GAA: variants seen among roughly 807,000 people sequenced by gnomAD.
The protein encoded by GAA is lysosomal alpha-glucosidase.
A neutral mutation model predicts 103.9 loss-of-function variants in GAA; 88 were observed. The observed-to-expected ratio is 0.85, with a 90% CI of 0.71 to 1.01. The LOEUF (loss-of-function observed/expected upper bound fraction) is 1.01. Among genes scored for constraint, GAA ranks in the 50% least tolerant of loss-of-function variants. The pLI, the probability that GAA is intolerant of heterozygous loss-of-function variation, is 0.00. For missense variants in GAA, 1,350 were observed against 1,305.3 expected, an observed-to-expected ratio of 1.03 and a Z score of -0.53; for synonymous variants, 572 against 563.1, an observed-to-expected ratio of 1.02 and a Z score of -0.22.
chr17:80,106,367 G>T (rs922226738), intron 3 of GAA, among the ~76,000 whole-genome samples: 1 of 27,620 alleles, frequency 3.6e-5, no homozygotes, highest in Non-Finnish European at 1.2e-4. Flanking sequence ...CAGAGAGCAC[G>T]CTAGAAGCCA....
At chr17:80,112,158 GGGGCCTCTGCA>G in intron 12 of GAA, 58 bp downstream of exon 12, 1 of 1,535,818 alleles carries the variant, frequency 6.5e-7, no homozygotes, top group Non-Finnish European at 9.0e-7. Context: ...CTACAAGGTT[GGGGCCTCTGCA>G]GGGCCTCAGG....
intron 2 of GAA, 71 bp downstream of exon 2, chr17:80,105,203 C>A: frequency 7.0e-7 from 1 of 1,423,900 alleles, no homozygotes; most frequent in South Asian, 1.3e-5. Context: ...CCACGCACCT[C>A]ACAAGGGTGG....
At chr17:80,112,478 A>G (rs2143886977) in intron 12 of GAA, 100 bp from the exon 13 acceptor site, 2 of 1,473,864 alleles carry the variant, frequency 1.4e-6, no homozygotes, top group African/African-American at 1.4e-5. Flanking sequence ...CCTCTGCCTC[A>G]TCCCAGAAAG....
At chr17:80,115,746 G>T (rs909391278) in intron 15 of GAA, among the ~76,000 whole-genome samples, 1 of 152,142 alleles carries the variant, frequency 6.6e-6, no homozygotes, top group African/African-American at 2.4e-5. Flanking sequence ...TGATTGTTTT[G>T]TGACTTTCTT....
chr17:80,104,836 G>A lies in GAA; in HGVS notation c.250G>A (p.Val84Ile), dbSNP rs139595011. ...CAGAGCAGTGCCCACACAGTGCGACGTCCCCCCCAACAGCCGCTTCGATTG... is the reference window on the plus strand; with the variant it reads ...CAGAGCAGTGCCCACACAGTGCGACATCCCCCCCAACAGCCGCTTCGATTG... ...RPRAVPTQCD[V>I]PPNSRFDCAP... The change falls in exon 2 of 20, where the codon GTC becomes ATC. Residue 84 changes from valine (V) to isoleucine (I), a missense_variant. Transcript: ENST00000302262. The surrounding 1 kb of genome is among the most constrained non-coding windows in gnomAD (Gnocchi z 4.0). 53 of 1,612,484 alleles carry A rather than the reference G, an allele frequency of 3.3e-5. No homozygotes were observed. In the African/African-American group the frequency reaches 6.0e-4, roughly 18 times the overall value.
At chr17:80,112,223 G>A (rs959548041) in intron 12 of GAA, 123 bp downstream of exon 12, 38 of 971,806 alleles carry the variant, frequency 3.9e-5, no homozygotes, top group East Asian at 7.4e-5. Flanking sequence ...GCCCGCTGGC[G>A]GCCCGAGTGC....
intron 15 of GAA, among the ~76,000 whole-genome samples, chr17:80,114,321 GA>G (rs1377025514): frequency 6.6e-6 from 1 of 151,962 alleles, no homozygotes; most frequent in Non-Finnish European, 1.5e-5. Flanking sequence ...CAAAACAGGA[GA>G]TACGAATGGT....
chr17:80,105,985 G>C, intron 3 of GAA, 91 bp downstream of exon 3: 2 of 1,475,414 alleles, frequency 1.4e-6, no homozygotes, highest in East Asian at 2.3e-5. Context: ...TTTCTCACAC[G>C]ATGGGCAGGG....
intron 15 of GAA, among the ~76,000 whole-genome samples, chr17:80,115,715 C>T (rs1456610610): frequency 1.3e-5 from 2 of 152,208 alleles, no homozygotes; most frequent in East Asian, 3.8e-4. Context: ...CCCCATCCCC[C>T]TCAGGTCTCG....
Position 80,107,546 on chromosome 17 carries a change from C to G in GAA, c.693-11C>G. ...GGGTGTGAGCAAGCCTGGCTGGCCT[C>G]TGTCCCGCAGGCTGAACACGACGGT... On this transcript the variant is annotated splice_polypyrimidine_tract_variant and intron_variant, in intron 3 of 19. Coordinates refer to ENST00000302262, the MANE Select transcript of GAA (RefSeq NM_000152.5). 1 of 1,612,958 alleles carries G rather than the reference C, an allele frequency of 6.2e-7. No homozygotes were observed. Among genetic ancestry groups the G allele is most frequent in the African/African-American group, 1.3e-5 (1 of 75,032 alleles).
intron 15 of GAA, among the ~76,000 whole-genome samples, chr17:80,115,328 T>G (rs1339761060): frequency 6.6e-6 from 1 of 152,164 alleles, no homozygotes; most frequent in Non-Finnish European, 1.5e-5. Context: ...TCACTGATTC[T>G]TTTTTCCACC....
intron 1 of GAA, among the ~76,000 whole-genome samples, chr17:80,103,723 T>C (rs1037276539): frequency 5.3e-5 from 8 of 152,280 alleles, no homozygotes; most frequent in Middle Eastern, 3.4e-3. Context: ...TTCTTCCCCA[T>C]GTACCTCGGG....
At position 80,118,875 on chromosome 17, in the gene GAA, C is replaced by A. The variant is rs541981435; in HGVS notation, c.2799+70C>A. ...GGTGCAGGGGGCAGAAGGTGCTGGG[C>A]GTCCTGGTGACCGATGCCAGGAACA... On this transcript the variant is annotated intron_variant, in intron 19 of 19. Coordinates refer to ENST00000302262, the MANE Select transcript of GAA (RefSeq NM_000152.5). 1.9e-6 allele frequency: 3 copies of A among 1,567,646 alleles called. No individual in the cohort carries two copies. The East Asian group carries it at 6.8e-5, about 36-fold the overall frequency.
chr17:80,112,115 C>A lies in GAA; in HGVS notation c.1754+15C>A. The A allele has an allele frequency of 6.2e-7, 1 of 1,603,844 alleles. No homozygotes were observed. The highest frequency in any genetic ancestry group is 1.1e-5 in the South Asian group (1 of 90,870). On this transcript the variant is annotated intron_variant, in intron 12 of 19. Transcript: ENST00000302262. The stretch of plus-strand genomic sequence containing the variant: ...GCCTCCCACAGGTGAGGGCCACGTC[C>A]CGCCCCACTGGGCTCTGCCCTCACA...
chr17:80,104,720 C>G lies in GAA; in HGVS notation c.134C>G (p.Ser45Cys), dbSNP rs1179395024. ...CTGGTTCCCCGAGAGCTGAGTGGCTCCTCCCCAGTCCTGGAGGAGACTCAC... is the reference window on the plus strand; with the variant it reads ...CTGGTTCCCCGAGAGCTGAGTGGCTGCTCCCCAGTCCTGGAGGAGACTCAC... Reference protein sequence around the residue: ...FLLVPRELSGSSPVLEETHPA... With the variant: ...FLLVPRELSGCSPVLEETHPA... Residue 45 changes from serine to cysteine, a missense_variant, in exon 2 of 20, where the codon TCC becomes TGC. Physicochemically the swap from Ser to Cys is moderately radical, Grantham distance 112. Coordinates refer to ENST00000302262, the MANE Select transcript of GAA (RefSeq NM_000152.5). This position sits in a 1 kb window ranked among gnomAD's most constrained non-coding sequence, Gnocchi z 4.0. 6.2e-7 allele frequency: 1 copy of G among 1,612,342 alleles called. No individual in the cohort carries two copies. Among genetic ancestry groups the G allele is most frequent in the South Asian group, 1.1e-5 (1 of 90,910 alleles).
chr17:80,112,256 C>T, intron 12 of GAA, 156 bp downstream of exon 12: 1 of 750,328 alleles, frequency 1.3e-6, no homozygotes. Context: ...CTGCCTGCAC[C>T]CCAGCCTGAA....
In GAA at chr17:80,108,478, T is replaced by A; in HGVS notation, c.1076-11T>A. 1 of 1,613,170 alleles carries A rather than the reference T, an allele frequency of 6.2e-7. No individual in the cohort carries two copies. Among genetic ancestry groups the A allele is most frequent in the East Asian group, 2.2e-5 (1 of 44,884 alleles). On this transcript the variant is annotated splice_polypyrimidine_tract_variant and intron_variant, in intron 6 of 19. Coordinates refer to ENST00000302262, the MANE Select transcript of GAA (RefSeq NM_000152.5). The stretch of plus-strand genomic sequence containing the variant: ...TCCTCCCTCCCTCATGAAGTCGGCG[T>A]TGGCCTGCAGGATACCCGTTCATGC...
rs201902338 is a variant in GAA at position 80,104,896 on chromosome 17, G to C, written c.310G>C (p.Glu104Gln). The part of the protein sequence containing the change: ...PDKAITQEQC[E>Q]ARGCCYIPAK... ...CAAGGCCATCACCCAGGAACAGTGC[G>C]AGGCCCGCGGCTGTTGCTACATCCC... Residue 104 changes from glutamate to glutamine, a missense_variant, in exon 2 of 20, where the codon GAG (glutamate) becomes CAG (glutamine). Glu to Gln is a conservative substitution (Grantham distance 29). Coordinates refer to ENST00000302262, the MANE Select transcript of GAA (RefSeq NM_000152.5). This position sits in a 1 kb window ranked among gnomAD's most constrained non-coding sequence, Gnocchi z 4.0. 32 of 1,612,630 alleles carry C rather than the reference G, an allele frequency of 2.0e-5. No homozygotes were observed. Among genetic ancestry groups the C allele is most frequent in the African/African-American group, 2.7e-5 (2 of 75,030 alleles).
At chr17:80,105,212 G>A in intron 2 of GAA, 80 bp downstream of exon 2, 1 of 1,378,240 alleles carries the variant, frequency 7.3e-7, no homozygotes, top group Non-Finnish European at 9.9e-7. Flanking sequence ...TCACAAGGGT[G>A]GGGTGCATGT....
Sources: gnomAD v4.1 joint callset for allele counts (sites outside exome capture counted in the v4.1 genomes callset) on GRCh38, gnomAD v4.1.1 for gene constraint, Gnocchi (gnomAD v3.1) non-coding constraint, MANE v1.5 for transcripts, NCBI Gene and HGNC (gene_info 2026-07-23, HGNC 2026-07-21) for gene names.